Variants in MICAL2 observed in about 807,000 individuals in gnomAD.
MICAL2 encodes the protein microtubule associated monooxygenase, calponin and LIM domain containing 2, also known as [F-actin]-monooxygenase MICAL2.
A neutral mutation model predicts 127.3 loss-of-function variants in MICAL2; 77 were observed. The observed-to-expected ratio is 0.60, with a 90% confidence interval of 0.50 to 0.73. The LOEUF (loss-of-function observed/expected upper bound fraction) is 0.73, where lower values mean the gene tolerates loss of function less well. MICAL2 is among the 30% of genes least tolerant of loss of function. The pLI is 0.00. For missense variants in MICAL2, 1,351 were observed against 1,434.4 expected (o/e 0.94, Z 0.94); for synonymous variants, 570 against 551.1 (o/e 1.03, Z -0.48).
intron 2 of MICAL2, among the ~76,000 whole-genome samples, chr11:12,150,764 C>T (rs1853487544): frequency 6.6e-6 from 1 of 152,138 alleles, no homozygotes; most frequent in African/African-American, 2.4e-5. Context: ...TAAGAGGGTG[C>T]CGGGCAGAGA....
intron 9 of MICAL2, 152 bp from the exon 10 acceptor site, chr11:12,221,492 A>C (rs1341725770): frequency 1.9e-6 from 1 of 529,568 alleles, no homozygotes; most frequent in Non-Finnish European, 3.4e-6. Flanking sequence ...CCTTGTGATG[A>C]ATCCTCATAG....
At chr11:12,123,895 A>G (rs1367372593) in intron 1 of MICAL2, among the ~76,000 whole-genome samples, 1 of 152,086 alleles carries the variant, frequency 6.6e-6, no homozygotes, top group African/African-American at 2.4e-5. Context: ...CATATATTGT[A>G]TTTATGGTAT....
At position 12,354,788 on chromosome 11, in the gene MICAL2, C is replaced by T. The variant is rs777990350; in HGVS notation, c.5620C>T (p.Gln1874Ter). ...TTTGAACATTTTCTCACCCAGGGCC[C>T]AGGAACTGGAATTAGAAGATCATCA... The change falls in exon 34 of 35, where the codon CAG (glutamine) becomes TAG (stop). Residue 1874 changes from glutamine to a stop codon, truncating the protein, a stop_gained. Coordinates refer to the MICAL2 transcript ENST00000646065. LOFTEE classifies it high-confidence loss of function. The T allele has an allele frequency of 1.9e-6, 3 of 1,613,952 alleles. No individual in the cohort carries two copies. The highest frequency in any genetic ancestry group is 2.2e-5 in the South Asian group (2 of 91,020).
chr11:12,166,894 G>T (rs1056997249), intron 3 of MICAL2, among the ~76,000 whole-genome samples: 1 of 145,282 alleles, frequency 6.9e-6, no homozygotes, highest in African/African-American at 2.4e-5. Flanking sequence ...ACAGCTAAAG[G>T]GAGTGCATAT....
At chr11:12,258,650 A>C in intron 25 of MICAL2, 94 bp downstream of exon 25, 1 of 1,096,724 alleles carries the variant, frequency 9.1e-7, no homozygotes, top group Non-Finnish European at 1.3e-6. Context: ...TGCTGGCCCT[A>C]GAGGGATTGA....
rs137960605 is a variant in MICAL2, at chr11:12,242,240, C to T, written c.2364C>T (p.His788=). The change falls in exon 19 of 28, where the codon CAC becomes CAT. Residue 788 remains histidine (H), a synonymous_variant. Transcript: ENST00000683283. ...RQFPSVVVTG[H]VLRELKQVSA... Reference sequence around the variant, plus strand: ...TCCCCTCTGTGGTCGTGACGGGGCACGTGCTCAGAGAGCTCAAGCAAGTGT... The same window carrying T: ...TCCCCTCTGTGGTCGTGACGGGGCATGTGCTCAGAGAGCTCAAGCAAGTGT... The T allele has an allele frequency of 2.2e-4, 348 of 1,610,670 alleles. No individual in the cohort carries two copies. In the African/African-American group the frequency reaches 3.7e-3, roughly 17 times the overall value.
At chr11:12,250,192 G>T (rs1356355434) in intron 22 of MICAL2, 1 of 152,246 alleles carries the variant, frequency 6.6e-6, no homozygotes, top group East Asian at 1.9e-4. Context: ...GCAGAGGAAA[G>T]TGATTTAAGA....
intron 32 of MICAL2, among the ~76,000 whole-genome samples, chr11:12,339,130 A>G (rs1471249627): frequency 2.0e-5 from 3 of 152,022 alleles, no homozygotes; most frequent in Non-Finnish European, 4.4e-5. Flanking sequence ...ATAGTCCCAT[A>G]TTTCTTGGAG....
At chr11:12,285,904 G>T (rs140729691) in intron 2 of MICAL2, among the ~76,000 whole-genome samples, 2 of 146,942 alleles carry the variant, frequency 1.4e-5, no homozygotes, top group African/African-American at 4.9e-5. Context: ...CTTCCTTTCC[G>T]TTCATGCTTC....
At chr11:12,222,553 G>C (rs1448516977) in intron 10 of MICAL2, 64 bp from the exon 11 acceptor site, 1 of 1,605,486 alleles carries the variant, frequency 6.2e-7, no homozygotes, top group African/African-American at 1.3e-5. Flanking sequence ...AAGTAGGGAA[G>C]GGTGGGGACA....
chr11:12,260,058 G>A (rs1862888420), intron 26 of MICAL2, 161 bp downstream of exon 26: 2 of 1,539,568 alleles, frequency 1.3e-6, no homozygotes, highest in African/African-American at 1.4e-5. Flanking sequence ...GCCTGGGGCT[G>A]CCACTCCTCT....
rs75190720 is a variant in MICAL2 at position 12,223,553 on chromosome 11, G to C, written c.1540+52G>C. Reference sequence around the variant, plus strand: ...GGGTGGCTGGGAAGAGCTTTGAGGGGAGGAGGACTGCTCAGTGACCGTGGT... The same window carrying C: ...GGGTGGCTGGGAAGAGCTTTGAGGGCAGGAGGACTGCTCAGTGACCGTGGT... On this transcript the variant is annotated intron_variant, in intron 12 of 27. Coordinates refer to ENST00000683283, the MANE Select transcript of MICAL2 (RefSeq NM_001282663.2). 9,689 of 1,493,904 alleles carry C rather than the reference G, an allele frequency of 6.5e-3. 543 individuals are homozygous for C. In the African/African-American group the frequency reaches 0.12, roughly 18 times the overall value. The allele number at this position is 1,493,904 out of a possible 1,614,324, so 92.5% of individuals were successfully genotyped here.
chr11:12,259,785 TC>T lies in MICAL2; in HGVS notation c.3232-9del. The T allele has an allele frequency of 6.5e-7, 1 of 1,529,392 alleles. No individual in the cohort carries two copies. The highest frequency in any genetic ancestry group is 8.8e-7 in the Non-Finnish European group (1 of 1,137,060). 94.7% of individuals were successfully genotyped at this position (1,529,392 alleles called of 1,614,324 possible). A position where few individuals can be genotyped will look rare whatever the true frequency, so the allele number is the denominator to read the frequency against. On this transcript the variant is annotated splice_polypyrimidine_tract_variant and intron_variant, in intron 25 of 27. Coordinates refer to ENST00000683283, the MANE Select transcript of MICAL2 (RefSeq NM_001282663.2). The stretch of plus-strand genomic sequence containing the variant: ...ACAGACAAATGCCCTCATTTCCATC[TC>T]TTTCTCAGGAGGAGGCAACATGGCA...
At chr11:12,301,460 T>C (rs1864045539) in intron 29 of MICAL2, among the ~76,000 whole-genome samples, 1 of 152,254 alleles carries the variant, frequency 6.6e-6, no homozygotes, top group South Asian at 2.1e-4. Flanking sequence ...TTAGGAGCAC[T>C]CTTATACGTA....
chr11:12,270,104 T>C (rs1297922597), intron 24 of MICAL2, among the ~76,000 whole-genome samples: 2 of 152,200 alleles, frequency 1.3e-5, no homozygotes, highest in Non-Finnish European at 2.9e-5. Context: ...ACTAGTCTCC[T>C]TCCCAGAGCA....
At chr11:12,165,021 C>G (rs1350054162) in intron 3 of MICAL2, among the ~76,000 whole-genome samples, 1 of 151,790 alleles carries the variant, frequency 6.6e-6, no homozygotes, top group Non-Finnish European at 1.5e-5. Context: ...TGCCTGTAGT[C>G]CCAGCTACTC....
chr11:12,284,269 A>T (rs1177305671), intron 2 of MICAL2, among the ~76,000 whole-genome samples: 1 of 152,206 alleles, frequency 6.6e-6, no homozygotes, highest in Non-Finnish European at 1.5e-5. Context: ...GAGGACACTT[A>T]TCAGTTTGTA....
chr11:12,294,591 C>G (rs768305608), downstream of MICAL2: 1 of 1,614,240 alleles, frequency 6.2e-7, no homozygotes, highest in Non-Finnish European at 8.5e-7. Flanking sequence ...CCAGATGCTT[C>G]TAAGCCTCCA....
At chr11:12,335,807 G>A (rs1310449161) in intron 32 of MICAL2, among the ~76,000 whole-genome samples, 1 of 152,134 alleles carries the variant, frequency 6.6e-6, no homozygotes, top group African/African-American at 2.4e-5. Flanking sequence ...TGTTCCATTG[G>A]TCTGTGTATC....
Sources: allele counts gnomAD v4.1 joint callset (sites outside exome capture counted in the v4.1 genomes callset), GRCh38; gene constraint gnomAD v4.1.1; transcripts MANE v1.5; gene names NCBI Gene and HGNC (gene_info 2026-07-23, HGNC 2026-07-21).